Variants in ATP2C1 observed in about 807,000 individuals in gnomAD.
ATP2C1 encodes the protein ATPase secretory pathway Ca2+ transporting 1.
ATP2C1 carries 31 observed loss-of-function variants against 120.5 expected under a neutral mutation model. The observed-to-expected ratio is 0.26, with a 90% CI of 0.19 to 0.35. The LOEUF is 0.35. Ranked by LOEUF, ATP2C1 falls within the 10% of genes least tolerant of loss-of-function variation. The probability of loss-of-function intolerance (pLI) is 1.00; values close to 1 mark genes in which losing one functional copy is unlikely to be tolerated. For synonymous variants in ATP2C1, 351 were observed against 358.7 expected, an observed-to-expected ratio of 0.98 and a Z score of 0.24; for missense variants, 731 against 1,107.5, an observed-to-expected ratio of 0.66 and a Z score of 4.83.
Position 131,001,691 on chromosome 3 carries a change from A to T in ATP2C1, c.*341A>T, listed in dbSNP as rs1397012020. On this transcript the variant is annotated 3_prime_UTR_variant, in exon 28 of 28. Coordinates refer to ENST00000510168, the MANE Select transcript of ATP2C1 (RefSeq NM_001378687.1). ...TACACTATCTATCTTAGATAGATAT[A>T]TTTTTTTTTATTTTTAAATATTGTA... 15 of 956,766 alleles carry T rather than the reference A, an allele frequency of 1.6e-5. No individual in the cohort carries two copies. Among genetic ancestry groups the T allele is most frequent in the Non-Finnish European group, 1.9e-5 (15 of 803,446 alleles). 59.3% of individuals were successfully genotyped at this position (956,766 alleles called of 1,614,324 possible). A position where few individuals can be genotyped will look rare whatever the true frequency, so the allele number is the denominator to read the frequency against.
chr3:130,894,757 G>C lies in ATP2C1; in HGVS notation c.-13G>C. The C allele has an allele frequency of 6.2e-7, 1 of 1,614,224 alleles. No individual in the cohort carries two copies. Among genetic ancestry groups the C allele is most frequent in the Non-Finnish European group, 8.5e-7 (1 of 1,180,040 alleles). ...CTTTGTAGCCATCAACCCGAGTGCA[G>C]TTTCGATGGAAAATGAAGGTAAAGG... On this transcript the variant is annotated 5_prime_UTR_variant, in exon 2 of 28. Coordinates refer to ENST00000510168, the MANE Select transcript of ATP2C1 (RefSeq NM_001378687.1). This position sits in a 1 kb window ranked among gnomAD's most constrained non-coding sequence, Gnocchi z 4.5.
intron 1 of ATP2C1, among the ~76,000 whole-genome samples, chr3:130,858,175 C>T (rs2067904879): frequency 1.3e-5 from 2 of 152,122 alleles, no homozygotes; most frequent in Admixed American, 1.3e-4. Flanking sequence ...GAGGGTGGGT[C>T]TGCCTCTCCC....
chr3:130,950,211 G>A (rs905619251), intron 8 of ATP2C1, among the ~76,000 whole-genome samples: 12 of 152,036 alleles, frequency 7.9e-5, no homozygotes, highest in African/African-American at 2.2e-4. Context: ...TTATATAGTC[G>A]TCTTGATTCT....
At chr3:130,941,808 A>G (rs2059931855) in intron 8 of ATP2C1, 109 bp downstream of exon 8, 3 of 963,142 alleles carry the variant, frequency 3.1e-6, no homozygotes, top group East Asian at 2.5e-5. Flanking sequence ...ACCATTTGGT[A>G]TTCTACTTTA....
intron 8 of ATP2C1, among the ~76,000 whole-genome samples, chr3:130,947,179 G>A (rs1034458653): frequency 5.9e-5 from 9 of 152,016 alleles, no homozygotes; most frequent in Admixed American, 3.3e-4. Flanking sequence ...GTAGGTGTAG[G>A]GTGGGGCCTG....
In ATP2C1 at chr3:131,001,717, C is replaced by T. The variant is rs1439694658; in HGVS notation, c.*367C>T. ...TTTTTTTTTATTTTTAAATATTGTA[C>T]TATTTATGGTGGTGGGGCTTTCTTA... On this transcript the variant is annotated 3_prime_UTR_variant, in exon 28 of 28. Transcript: ENST00000510168. 5 of 965,818 alleles carry T rather than the reference C, an allele frequency of 5.2e-6. No homozygotes were observed. The African/African-American group carries it at 8.8e-5, about 17-fold the overall frequency. The allele number at this position is 965,818 out of a possible 1,614,324, so 59.8% of individuals were successfully genotyped here.
chr3:130,980,256 T>A lies in ATP2C1; in HGVS notation c.1742-326T>A, dbSNP rs201444597. Among the ~76,000 whole-genome samples, 7 of 151,564 alleles carry A rather than the reference T, an allele frequency of 4.6e-5. No individual in the cohort carries two copies. The East Asian group carries it at 1.4e-3, about 29-fold the overall frequency. ...CTTAAATAGTCAAAATTCTTTTTTTTTTTTTTTCCTGTAGAGACAGGGTCT... is the reference window on the plus strand; with the variant it reads ...CTTAAATAGTCAAAATTCTTTTTTTATTTTTTTCCTGTAGAGACAGGGTCT... On this transcript the variant is annotated intron_variant, in intron 19 of 27. Coordinates refer to ENST00000510168, the MANE Select transcript of ATP2C1 (RefSeq NM_001378687.1).
At chr3:130,888,604 T>A (rs1172215208) in intron 1 of ATP2C1, among the ~76,000 whole-genome samples, 1 of 152,174 alleles carries the variant, frequency 6.6e-6, no homozygotes, top group African/African-American at 2.4e-5. Flanking sequence ...CTCTCCACTG[T>A]GACATGGCAG....
chr3:130,879,091 C>G (rs1356711578), intron 1 of ATP2C1, among the ~76,000 whole-genome samples: 2 of 152,146 alleles, frequency 1.3e-5, no homozygotes, highest in Non-Finnish European at 2.9e-5. Context: ...GAGTCTCACT[C>G]TGTTGCCCAG....
Position 130,930,477 on chromosome 3 carries a change from CA to C in ATP2C1, c.75del (p.Ala26GlnfsTer21), listed in dbSNP as rs1559936852. ...ENETMIPVLT[S>X]KKASELPVSE... Reference sequence around the variant, plus strand: ...GAGACAATGATTCCTGTATTGACATCAAAAAAAGCAAGTGAATTACCAGTCA... The same window carrying C: ...GAGACAATGATTCCTGTATTGACATCAAAAAAGCAAGTGAATTACCAGTCA... On this transcript the variant is annotated frameshift_variant, in exon 3 of 28. Coordinates refer to ENST00000510168, the MANE Select transcript of ATP2C1 (RefSeq NM_001378687.1). LOFTEE classifies it high-confidence loss of function. 2 of 1,613,188 alleles carry C rather than the reference CA, an allele frequency of 1.2e-6. No individual in the cohort carries two copies. Among genetic ancestry groups the C allele is most frequent in the Non-Finnish European group, 1.7e-6 (2 of 1,179,370 alleles).
At chr3:130,860,605 G>A (rs1298871956) in intron 1 of ATP2C1, among the ~76,000 whole-genome samples, 1 of 152,216 alleles carries the variant, frequency 6.6e-6, no homozygotes, top group African/African-American at 2.4e-5. Context: ...GGTTTCAAGA[G>A]GTAAAGTAAC....
At chr3:130,962,791 C>G (rs540990207) in intron 12 of ATP2C1, 1 of 149,274 alleles carries the variant, frequency 6.7e-6, no homozygotes, top group Non-Finnish European at 1.5e-5. Flanking sequence ...CTTTGAGTAG[C>G]CCAAAGGAGA....
intron 3 of ATP2C1, among the ~76,000 whole-genome samples, chr3:130,931,709 T>A (rs745964646): frequency 4.6e-5 from 7 of 152,142 alleles, no homozygotes; most frequent in Non-Finnish European, 1.0e-4. Context: ...TGTTGAGATA[T>A]AATTCACATA....
intron 14 of ATP2C1, among the ~76,000 whole-genome samples, chr3:130,965,663 T>A (rs1387168076): frequency 2.3e-4 from 35 of 152,128 alleles, no homozygotes; most frequent in Admixed American, 2.2e-3. Flanking sequence ...ATTCCTACTT[T>A]AAGAACTTTG....
At chr3:130,996,308 A>G (rs1298369527) in intron 23 of ATP2C1, 197 bp downstream of exon 23, 1 of 605,104 alleles carries the variant, frequency 1.7e-6, no homozygotes, top group African/African-American at 1.9e-5. Flanking sequence ...TAACAGTTAG[A>G]TGTCTGTATC....
chr3:131,013,514 T>C (rs1182168903), intron 26 of ATP2C1, among the ~76,000 whole-genome samples: 1 of 152,232 alleles, frequency 6.6e-6, no homozygotes, highest in Non-Finnish European at 1.5e-5. Flanking sequence ...CTGAAGCCAT[T>C]AGTTTCAACT....
At chr3:131,016,352 ACAGCCCAAGGG>A in exon 27 of ATP2C1, 1 of 1,614,144 alleles carries the variant, frequency 6.2e-7, no homozygotes, top group Non-Finnish European at 8.5e-7. Flanking sequence ...AAATAAAGAA[ACAGCCCAAGGG>A]CAGTATTTCT....
chr3:130,883,857 A>G (rs1463484966), intron 1 of ATP2C1, among the ~76,000 whole-genome samples: 1 of 148,386 alleles, frequency 6.7e-6, no homozygotes, highest in East Asian at 2.0e-4. Flanking sequence ...ATGTTTTGGT[A>G]TGTTGTGTTT....
intron 4 of ATP2C1, among the ~76,000 whole-genome samples, chr3:130,933,277 C>T (rs1447565042): frequency 6.6e-6 from 1 of 152,064 alleles, no homozygotes; most frequent in Admixed American, 6.6e-5. Flanking sequence ...TTCTTTATTC[C>T]TCTGCAGCCT....
Sources: allele counts gnomAD v4.1 joint callset (sites outside exome capture counted in the v4.1 genomes callset), GRCh38; gene constraint gnomAD v4.1.1; non-coding constraint Gnocchi (gnomAD v3.1); transcripts MANE v1.5; gene names NCBI Gene and HGNC (gene_info 2026-07-23, HGNC 2026-07-21).